The following SLC39A11 variants were observed in gnomAD, a reference collection of about 807,000 sequenced individuals.
SLC39A11 encodes solute carrier family 39 member 11.
SLC39A11 carries 33 observed loss-of-function variants against 36.1 expected under a neutral mutation model. The observed-to-expected ratio is 0.91, with a 90% confidence interval of 0.69 to 1.22. SLC39A11 has a LOEUF of 1.22. Ranked by LOEUF, SLC39A11 falls within the 50% of genes most tolerant of loss-of-function variation. SLC39A11 has a pLI of 0.00. For synonymous variants in SLC39A11, 166 were observed against 170.3 expected, an observed-to-expected ratio of 0.97 and a Z score of 0.20; for missense variants, 432 against 430.3, an observed-to-expected ratio of 1.00 and a Z score of -0.03.
intron 4 of SLC39A11, among the ~76,000 whole-genome samples, chr17:73,002,821 C>T (rs911317332): frequency 6.6e-6 from 1 of 152,208 alleles, no homozygotes; most frequent in Non-Finnish European, 1.5e-5. Context: ...CCTCTGGAGG[C>T]TCTAGGGAAG....
chr17:73,020,691 T>TC (rs1555680973), intron 4 of SLC39A11, among the ~76,000 whole-genome samples: 1 of 136,176 alleles, frequency 7.3e-6, no homozygotes, highest in African/African-American at 2.7e-5. Context: ...TTTTTTTTTT[T>TC]TTTTTTTTTT....
chr17:72,820,630 G>A (rs151293940), intron 6 of SLC39A11, among the ~76,000 whole-genome samples: 1 of 151,332 alleles, frequency 6.6e-6, no homozygotes, highest in African/African-American at 2.4e-5. Flanking sequence ...AACAGGGTTG[G>A]GGGCACAGTG....
chr17:73,008,464 C>T (rs1448783896), intron 4 of SLC39A11, among the ~76,000 whole-genome samples: 1 of 152,194 alleles, frequency 6.6e-6, no homozygotes, highest in East Asian at 1.9e-4. Flanking sequence ...CCAGCTCCTC[C>T]CATTCAGAGC....
intron 5 of SLC39A11, among the ~76,000 whole-genome samples, chr17:72,893,619 G>A (rs911029853): frequency 6.6e-6 from 1 of 152,094 alleles, no homozygotes; most frequent in Non-Finnish European, 1.5e-5. Flanking sequence ...GAGTCTGCAG[G>A]CCAAATTTAG....
At chr17:72,959,610 G>T (rs540491800) in intron 4 of SLC39A11, among the ~76,000 whole-genome samples, 4 of 151,534 alleles carry the variant, frequency 2.6e-5, no homozygotes, top group African/African-American at 9.7e-5. Flanking sequence ...CTACAAACAG[G>T]GTGCTGTATA....
intron 5 of SLC39A11, among the ~76,000 whole-genome samples, chr17:72,908,685 T>C (rs551020839): frequency 6.6e-6 from 1 of 152,304 alleles, no homozygotes; most frequent in African/African-American, 2.4e-5. Context: ...GTAGGGGTGA[T>C]GCTAGGTGCA....
At chr17:73,032,350 G>T (rs570204440) in intron 3 of SLC39A11, among the ~76,000 whole-genome samples, 3 of 152,116 alleles carry the variant, frequency 2.0e-5, no homozygotes, top group Non-Finnish European at 4.4e-5. Flanking sequence ...GGGATTATGG[G>T]TGTGTGCCAC....
intron 7 of SLC39A11, among the ~76,000 whole-genome samples, chr17:72,694,320 T>A (rs1024125405): frequency 2.0e-5 from 3 of 152,202 alleles, no homozygotes; most frequent in African/African-American, 7.2e-5. Context: ...CTCATGTGAT[T>A]TTCTTCTTTA....
chr17:73,048,187 CT>C (rs760258802), intron 3 of SLC39A11, among the ~76,000 whole-genome samples: 103 of 151,588 alleles, frequency 6.8e-4, no homozygotes, highest in Non-Finnish European at 1.6e-4. Flanking sequence ...CATCCCCCTC[CT>C]TCTCTCCCCT....
chr17:72,938,512 C>A (rs941337648), intron 5 of SLC39A11, among the ~76,000 whole-genome samples: 3 of 152,160 alleles, frequency 2.0e-5, no homozygotes, highest in South Asian at 2.1e-4. Flanking sequence ...TGAATAAATG[C>A]AAAGGACTCC....
At chr17:72,861,138 GA>G (rs1402189461) in intron 5 of SLC39A11, among the ~76,000 whole-genome samples, 1 of 152,068 alleles carries the variant, frequency 6.6e-6, no homozygotes, top group East Asian at 1.9e-4. Context: ...TGGTGGAGGA[GA>G]AAAAAATTAG....
intron 2 of SLC39A11, 65 bp downstream of exon 2, chr17:73,088,592 T>G: frequency 7.8e-7 from 1 of 1,287,174 alleles, no homozygotes. Context: ...CTCCATGGAG[T>G]GGGACAGTGC....
At chr17:72,816,608 G>A (rs1440749755) in intron 6 of SLC39A11, among the ~76,000 whole-genome samples, 2 of 152,144 alleles carry the variant, frequency 1.3e-5, no homozygotes, top group African/African-American at 4.8e-5. Flanking sequence ...TGTCAACCAC[G>A]GCTGGAGGCT....
Position 72,900,336 on chromosome 17 carries a change from G to A in SLC39A11, c.430+47416C>T, listed in dbSNP as rs115603134. ...GATGTCAACAAAGGAGGAACAAGTC[G>A]TGGGGGTATCTGGAGGGAAGGAAGG... On this transcript the variant is annotated intron_variant, in intron 5 of 9. Coordinates refer to ENST00000255559, the MANE Select transcript of SLC39A11 (RefSeq NM_139177.4). 8.9e-3 allele frequency among the ~76,000 whole-genome samples: 1,349 copies of A among 152,184 alleles called. 18 individuals are homozygous for A. The highest frequency in any genetic ancestry group is 0.03 in the African/African-American group (1,260 of 41,512).
intron 5 of SLC39A11, among the ~76,000 whole-genome samples, chr17:72,936,441 A>C (rs1247293896): frequency 4.7e-5 from 5 of 106,858 alleles, no homozygotes; most frequent in East Asian, 6.1e-4. Flanking sequence ...AAAAAAAAAA[A>C]ATTCCCCTGG....
At chr17:72,968,360 T>G (rs1470420621) in intron 4 of SLC39A11, among the ~76,000 whole-genome samples, 1 of 152,166 alleles carries the variant, frequency 6.6e-6, no homozygotes, top group East Asian at 1.9e-4. Context: ...ACGATCTCTC[T>G]CTCTCTCTTT....
chr17:73,035,224 T>C (rs190332564), intron 3 of SLC39A11, among the ~76,000 whole-genome samples: 249 of 152,302 alleles, frequency 1.6e-3, no homozygotes, highest in Non-Finnish European at 3.2e-3. Flanking sequence ...AACCTCCATC[T>C]CCGCCTCCCA....
chr17:72,667,353 GC>G (rs1277665715), intron 7 of SLC39A11, among the ~76,000 whole-genome samples: 1 of 152,192 alleles, frequency 6.6e-6, no homozygotes, highest in African/African-American at 2.4e-5. Flanking sequence ...GGTGCAGGGG[GC>G]GCTTTAGAAA....
intron 4 of SLC39A11, among the ~76,000 whole-genome samples, chr17:72,983,656 T>C (rs886490047): frequency 1.3e-5 from 2 of 152,050 alleles, no homozygotes; most frequent in Admixed American, 1.3e-4. Context: ...GGAAATAAAA[T>C]AAGTAACCAG....
Sources: allele counts gnomAD v4.1 joint callset (sites outside exome capture counted in the v4.1 genomes callset), GRCh38; gene constraint gnomAD v4.1.1; transcripts MANE v1.5; gene names NCBI Gene and HGNC (gene_info 2026-07-23, HGNC 2026-07-21).